CDKAL1: variants seen among roughly 807,000 people sequenced by gnomAD.
CDKAL1 encodes the protein threonylcarbamoyladenosine tRNA methylthiotransferase.
In CDKAL1, 32 loss-of-function variants were observed where a neutral mutation model predicts 68.2. That is an observed-to-expected ratio of 0.47 (90% confidence interval 0.35 to 0.63). The LOEUF is 0.63. CDKAL1 is among the 30% of genes least tolerant of loss of function. The pLI is 0.00. For missense variants in CDKAL1, 606 were observed against 696.7 expected (o/e 0.87, Z 1.47); for synonymous variants, 234 against 244.3 (o/e 0.96, Z 0.39).
At chr6:21,189,882 C>G (rs796935915) in intron 13 of CDKAL1, among the ~76,000 whole-genome samples, 9 of 152,180 alleles carry the variant, frequency 5.9e-5, no homozygotes, top group African/African-American at 2.2e-4. Flanking sequence ...CCCAGGAGAC[C>G]CAGCATCGCG....
chr6:20,728,256 A>G (rs1772742797), intron 5 of CDKAL1, among the ~76,000 whole-genome samples: 1 of 152,230 alleles, frequency 6.6e-6, no homozygotes, highest in African/African-American at 2.4e-5. Flanking sequence ...GGTATCTGAC[A>G]GGTATCTAAG....
At chr6:21,016,572 A>G (rs1335405403) in intron 11 of CDKAL1, among the ~76,000 whole-genome samples, 1 of 151,656 alleles carries the variant, frequency 6.6e-6, no homozygotes, top group Non-Finnish European at 1.5e-5. Context: ...CCTTAAATCA[A>G]TTCATTTCAG....
At chr6:20,811,788 A>G (rs1270154787) in intron 8 of CDKAL1, among the ~76,000 whole-genome samples, 1 of 149,426 alleles carries the variant, frequency 6.7e-6, no homozygotes. Flanking sequence ...CTAGTAGTAA[A>G]AAAAAAAAAA....
chr6:20,640,200 A>G (rs1224391703), intron 4 of CDKAL1, among the ~76,000 whole-genome samples: 1 of 152,216 alleles, frequency 6.6e-6, no homozygotes, highest in Admixed American at 6.5e-5. Context: ...TTTTGGGTTC[A>G]AGACAATCAA....
At chr6:20,737,892 C>A (rs1471274984) in intron 5 of CDKAL1, among the ~76,000 whole-genome samples, 1 of 152,182 alleles carries the variant, frequency 6.6e-6, no homozygotes, top group Non-Finnish European at 1.5e-5. Context: ...TTTATTTAAT[C>A]ATTCTCTCTG....
chr6:21,089,842 T>G (rs1327385464), intron 12 of CDKAL1, among the ~76,000 whole-genome samples: 4 of 152,236 alleles, frequency 2.6e-5, no homozygotes, highest in Non-Finnish European at 5.9e-5. Context: ...CCATAAATAT[T>G]AATTCCTATA....
intron 9 of CDKAL1, among the ~76,000 whole-genome samples, chr6:20,950,694 G>T (rs757804774): frequency 6.6e-6 from 1 of 152,098 alleles, no homozygotes; most frequent in Non-Finnish European, 1.5e-5. Context: ...GGCCAGACGC[G>T]GTGGCTCATG....
At chr6:20,538,682 C>T (rs182719835) in intron 2 of CDKAL1, among the ~76,000 whole-genome samples, 18 of 152,212 alleles carry the variant, frequency 1.2e-4, no homozygotes, top group South Asian at 2.1e-4. Context: ...GTAGTTCTTC[C>T]GCATTCCAAA....
chr6:21,110,468 T>C (rs1774066724), intron 13 of CDKAL1, among the ~76,000 whole-genome samples: 1 of 152,222 alleles, frequency 6.6e-6, no homozygotes. Context: ...TATTTTGTCA[T>C]TTGAATTACC....
At position 20,963,200 on chromosome 6, in the gene CDKAL1, T is replaced by C. The variant is rs531087101; in HGVS notation, c.909+7615T>C. ...ATACTGATAAAAGATGAAATTGAAA[T>C]GCTACTTCCCCTTAGCAAAATTATA... On this transcript the variant is annotated intron_variant, in intron 10 of 15. Coordinates refer to ENST00000274695, the MANE Select transcript of CDKAL1 (RefSeq NM_017774.3). Among the ~76,000 whole-genome samples the C allele has an allele frequency of 2.5e-3, 376 of 152,230 alleles. 1 individual carries two copies. Among genetic ancestry groups the C allele is most frequent in the African/African-American group, 8.2e-3 (339 of 41,526 alleles).
At chr6:21,173,299 G>A in intron 13 of CDKAL1, among the ~76,000 whole-genome samples, 1 of 152,146 alleles carries the variant, frequency 6.6e-6, no homozygotes, top group East Asian at 1.9e-4. Context: ...GTTGAATGTG[G>A]TGTTTGTTTG....
intron 13 of CDKAL1, among the ~76,000 whole-genome samples, chr6:21,121,817 G>A (rs1774730442): frequency 6.6e-6 from 1 of 152,152 alleles, no homozygotes; most frequent in South Asian, 2.1e-4. Flanking sequence ...CATGTGGGAG[G>A]TGCTCTGTAA....
intron 5 of CDKAL1, among the ~76,000 whole-genome samples, chr6:20,717,221 A>C (rs1772139800): frequency 6.6e-6 from 1 of 152,010 alleles, no homozygotes; most frequent in African/African-American, 2.4e-5. Context: ...GGAAGCAGAA[A>C]TGGAGCTAGA....
intron 12 of CDKAL1, among the ~76,000 whole-genome samples, chr6:21,095,522 T>C (rs966505703): frequency 2.6e-5 from 4 of 152,192 alleles, no homozygotes; most frequent in African/African-American, 9.7e-5. Context: ...ATTTTTCTCT[T>C]GCTTTGCTCT....
intron 15 of CDKAL1, among the ~76,000 whole-genome samples, chr6:21,206,074 G>GC (rs1415531216): frequency 1.3e-5 from 2 of 150,802 alleles, no homozygotes; most frequent in Non-Finnish European, 2.9e-5. Flanking sequence ...CTTGTGATCC[G>GC]CCCGCCTTAG....
Position 20,618,072 on chromosome 6 carries a change from G to T in CDKAL1, c.287-31221G>T, listed in dbSNP as rs149124144. On this transcript the variant is annotated intron_variant, in intron 4 of 15. Coordinates refer to ENST00000274695, the MANE Select transcript of CDKAL1 (RefSeq NM_017774.3). ...GTTCTATTTCTCCACATCCTCTCTG[G>T]CATCTGTTGTTTCCTGACTTTTTAA... Among the ~76,000 whole-genome samples, 563 of 152,132 alleles carry T rather than the reference G, an allele frequency of 3.7e-3. 3 individuals are homozygous for T. The highest frequency in any genetic ancestry group is 0.013 in the African/African-American group (543 of 41,500).
intron 10 of CDKAL1, among the ~76,000 whole-genome samples, chr6:20,957,143 C>T (rs563264616): frequency 6.6e-6 from 1 of 152,050 alleles, no homozygotes; most frequent in East Asian, 1.9e-4. Context: ...GGGAAACAGG[C>T]CCCATCAATA....
intron 10 of CDKAL1, among the ~76,000 whole-genome samples, chr6:20,997,734 C>G (rs1417622975): frequency 6.6e-6 from 1 of 151,992 alleles, no homozygotes; most frequent in Non-Finnish European, 1.5e-5. Flanking sequence ...CTGGTAAACC[C>G]CTTTCAAATT....
chr6:20,651,931 G>GTGC (rs1768788992), intron 5 of CDKAL1, among the ~76,000 whole-genome samples: 1 of 152,198 alleles, frequency 6.6e-6, no homozygotes, highest in Admixed American at 6.5e-5. Context: ...GCTTTTTGAT[G>GTGC]TGCTGCTGGA....
Sources: allele counts gnomAD v4.1 joint callset (sites outside exome capture counted in the v4.1 genomes callset), GRCh38; gene constraint gnomAD v4.1.1; transcripts MANE v1.5; gene names NCBI Gene and HGNC (gene_info 2026-07-23, HGNC 2026-07-21).